Variants in NR3C1 observed in about 807,000 individuals in gnomAD.
The protein encoded by NR3C1 is nuclear receptor subfamily 3 group C member 1.
NR3C1 carries 14 observed loss-of-function variants against 74.0 expected under a neutral mutation model. The observed-to-expected ratio is 0.19, with a 90% CI of 0.12 to 0.30. The LOEUF (loss-of-function observed/expected upper bound fraction) is 0.30. NR3C1 is among the 10% of genes least tolerant of loss of function. NR3C1 has a pLI of 1.00. For synonymous variants in NR3C1, 308 were observed against 332.5 expected (o/e 0.93, Z 0.80); for missense variants, 695 against 909.8 (o/e 0.76, Z 3.04).
At chr5:143,408,929 G>A (rs906253133) in intron 1 of NR3C1, 1 of 152,106 alleles carries the variant, frequency 6.6e-6, no homozygotes, top group Admixed American at 6.5e-5. Flanking sequence ...TGTAAGTCAA[G>A]GAAGGCTATA....
At chr5:143,315,503 C>A (rs752417447) in intron 2 of NR3C1, among the ~76,000 whole-genome samples, 4 of 152,148 alleles carry the variant, frequency 2.6e-5, no homozygotes, top group Non-Finnish European at 4.4e-5. Flanking sequence ...GTACCTCTCT[C>A]TAAACTTTTC....
At chr5:143,302,398 AG>A (rs1171996549) in intron 4 of NR3C1, among the ~76,000 whole-genome samples, 2 of 152,138 alleles carry the variant, frequency 1.3e-5, no homozygotes, top group African/African-American at 4.8e-5. Flanking sequence ...TTAAACAACC[AG>A]AAGTATCTCA....
chr5:143,397,492 C>G (rs1370773758), intron 2 of NR3C1, among the ~76,000 whole-genome samples: 2 of 151,876 alleles, frequency 1.3e-5, no homozygotes, highest in African/African-American at 2.4e-5. Context: ...AAAAGAAACA[C>G]TGTTTCAATT....
chr5:143,428,750 A>C (rs745552522), intron 1 of NR3C1, among the ~76,000 whole-genome samples: 4 of 152,186 alleles, frequency 2.6e-5, no homozygotes, highest in Non-Finnish European at 5.9e-5. Flanking sequence ...TGAGTCCAAG[A>C]AAAGGAAATG....
chr5:143,314,911 T>TC (rs1821757290), intron 2 of NR3C1, among the ~76,000 whole-genome samples: 1 of 152,190 alleles, frequency 6.6e-6, no homozygotes, highest in Admixed American at 6.5e-5. Context: ...TTCTGCCCAC[T>TC]CCACTCTATG....
intron 2 of NR3C1, among the ~76,000 whole-genome samples, chr5:143,368,447 T>A (rs958264057): frequency 6.6e-6 from 1 of 151,934 alleles, no homozygotes; most frequent in Non-Finnish European, 1.5e-5. Context: ...GCCTTTTAAA[T>A]GGGAGAAATT....
intron 2 of NR3C1, among the ~76,000 whole-genome samples, chr5:143,383,706 C>T (rs982521902): frequency 3.9e-5 from 6 of 152,144 alleles, no homozygotes; most frequent in African/African-American, 1.4e-4. Flanking sequence ...CAACAGTCCT[C>T]AGCTATGTTA....
At chr5:143,387,387 G>T (rs938645089) in intron 2 of NR3C1, among the ~76,000 whole-genome samples, 4 of 152,112 alleles carry the variant, frequency 2.6e-5, no homozygotes, top group African/African-American at 9.7e-5. Flanking sequence ...ATGTTTTAAA[G>T]ACTGGTTTCA....
At chr5:143,404,502 C>G, upstream of NR3C1, 1 of 967,410 alleles carries the variant, frequency 1.0e-6, no homozygotes, top group Non-Finnish European at 1.2e-6. Context: ...AACCCACCCT[C>G]CCCCGCGCCC....
chr5:143,322,809 G>C (rs966826755), intron 2 of NR3C1, among the ~76,000 whole-genome samples: 1 of 152,116 alleles, frequency 6.6e-6, no homozygotes, highest in Non-Finnish European at 1.5e-5. Flanking sequence ...TTAATTCTTA[G>C]ATTCTCACAT....
chr5:143,403,112 A>C, intron 1 of NR3C1, 99 bp downstream of exon 1: 2 of 973,244 alleles, frequency 2.1e-6, no homozygotes, highest in Non-Finnish European at 2.4e-6. Flanking sequence ...GGCTAATAAA[A>C]GTTTGTAGGC....
chr5:143,343,332 T>C (rs1482531426), intron 2 of NR3C1, among the ~76,000 whole-genome samples: 2 of 152,166 alleles, frequency 1.3e-5, no homozygotes, highest in African/African-American at 4.8e-5. Flanking sequence ...ATAAAGCTAA[T>C]TGTCTAGCAG....
At chr5:143,284,088 T>A (rs1813743441) in intron 7 of NR3C1, among the ~76,000 whole-genome samples, 1 of 152,112 alleles carries the variant, frequency 6.6e-6, no homozygotes, top group African/African-American at 2.4e-5. Context: ...ATTATTATTA[T>A]TTTTTTCCCG....
chr5:143,317,030 G>A (rs551331012), intron 2 of NR3C1, among the ~76,000 whole-genome samples: 5 of 152,220 alleles, frequency 3.3e-5, no homozygotes, highest in East Asian at 1.9e-4. Flanking sequence ...TCAGGCAGTC[G>A]TTCTGGGCTA....
chr5:143,322,282 C>T (rs944208753), intron 2 of NR3C1, among the ~76,000 whole-genome samples: 1 of 152,230 alleles, frequency 6.6e-6, no homozygotes, highest in Non-Finnish European at 1.5e-5. Context: ...GTCTTTCTGA[C>T]ACCAACATCA....
At chr5:143,412,103 G>T (rs1191413310) in intron 1 of NR3C1, among the ~76,000 whole-genome samples, 1 of 152,140 alleles carries the variant, frequency 6.6e-6, no homozygotes, top group African/African-American at 2.4e-5. Context: ...GTTGAATGGG[G>T]TGAGTGCATA....
At chr5:143,282,868 C>T (rs757221987) in intron 7 of NR3C1, 143 bp from the exon 8 acceptor site, 5 of 819,076 alleles carry the variant, frequency 6.1e-6, no homozygotes, top group Non-Finnish European at 9.4e-6. Context: ...GAGCCTTGAC[C>T]TCCTTGGCTC....
upstream of NR3C1, chr5:143,404,425 A>G: frequency 2.0e-6 from 2 of 985,238 alleles, no homozygotes; most frequent in Non-Finnish European, 2.4e-6. Context: ...CCACCGCATC[A>G]TCTGGGCGGC....
At chr5:143,407,685 C>A (rs1841160501), upstream of NR3C1, among the ~76,000 whole-genome samples, 1 of 152,202 alleles carries the variant, frequency 6.6e-6, no homozygotes, top group Admixed American at 6.5e-5. Context: ...GACTAATAAC[C>A]AAACCACTTG....
Sources: gnomAD v4.1 joint callset for allele counts (sites outside exome capture counted in the v4.1 genomes callset) on GRCh38, gnomAD v4.1.1 for gene constraint, MANE v1.5 for transcripts, NCBI Gene and HGNC (gene_info 2026-07-23, HGNC 2026-07-21) for gene names.